Variants in CEP63 observed in about 807,000 individuals in gnomAD.
CEP63 encodes the protein centrosomal protein of 63 kDa.
In CEP63, 84 loss-of-function variants were observed where a neutral mutation model predicts 89.1. The observed-to-expected ratio is 0.94, with a 90% CI of 0.79 to 1.13. CEP63 has a LOEUF of 1.13. Among genes scored for constraint, CEP63 ranks in the 50% most tolerant of loss-of-function variants. The pLI is 0.00. For synonymous variants in CEP63, 267 were observed against 272.5 expected, an observed-to-expected ratio of 0.98 and a Z score of 0.20; for missense variants, 838 against 813.3, an observed-to-expected ratio of 1.03 and a Z score of -0.37.
chr3:134,625,553 G>A, the CEP63 span, among the ~76,000 whole-genome samples: 5 of 152,180 alleles, frequency 3.3e-5, no homozygotes, highest in Admixed American at 1.3e-4. Context: ...AGTGCTGCTC[G>A]TGCTCACAAG....
intron 3 of CEP63, among the ~76,000 whole-genome samples, chr3:134,508,993 A>G (rs1377184788): frequency 6.6e-6 from 1 of 151,614 alleles, no homozygotes; most frequent in Admixed American, 6.6e-5. Flanking sequence ...TTAAGGAACA[A>G]ATGTGTTTAT....
At chr3:134,762,261 T>G in the CEP63 span, among the ~76,000 whole-genome samples, 1 of 152,112 alleles carries the variant, frequency 6.6e-6, no homozygotes. Flanking sequence ...CACCCTGGAA[T>G]GGGCTTCGCT....
the CEP63 span, among the ~76,000 whole-genome samples, chr3:134,648,614 AC>A: frequency 6.6e-6 from 1 of 152,160 alleles, no homozygotes; most frequent in Non-Finnish European, 1.5e-5. Context: ...CTAGGGCCTT[AC>A]AGAAATGGGA....
the CEP63 span, among the ~76,000 whole-genome samples, chr3:134,761,876 G>A: frequency 6.6e-6 from 1 of 152,150 alleles, no homozygotes; most frequent in African/African-American, 2.4e-5. Flanking sequence ...AAAGCAAACA[G>A]AACCTTAAGG....
the CEP63 span, among the ~76,000 whole-genome samples, chr3:134,726,069 G>C: frequency 6.6e-6 from 1 of 152,228 alleles, no homozygotes; most frequent in Non-Finnish European, 1.5e-5. Context: ...GATTCAAAGG[G>C]TAAGTGTATT....
At chr3:134,594,662 C>T in the CEP63 span, among the ~76,000 whole-genome samples, 1 of 152,174 alleles carries the variant, frequency 6.6e-6, no homozygotes, top group Non-Finnish European at 1.5e-5. Flanking sequence ...CCTAGTTGAG[C>T]AAAAGAAGGA....
At chr3:134,573,900 G>A (rs1443160194) in intron 11 of CEP63, among the ~76,000 whole-genome samples, 2 of 152,142 alleles carry the variant, frequency 1.3e-5, no homozygotes, top group African/African-American at 2.4e-5. Context: ...GTTAGGCCCT[G>A]AGGTTTTGGA....
the CEP63 span, among the ~76,000 whole-genome samples, chr3:134,676,390 A>G: frequency 6.6e-6 from 1 of 152,202 alleles, no homozygotes; most frequent in Admixed American, 6.5e-5. Context: ...AAGTTCAAAG[A>G]GATAAAAAGT....
intron 10 of CEP63, among the ~76,000 whole-genome samples, chr3:134,582,888 G>T (rs1287606216): frequency 3.3e-5 from 5 of 152,136 alleles, no homozygotes; most frequent in African/African-American, 1.2e-4. Context: ...GTGTGAGATG[G>T]TATCTCATTG....
At chr3:134,749,736 G>GAAAAAAAAAAAAAAA in the CEP63 span, among the ~76,000 whole-genome samples, 15 of 55,774 alleles carry the variant, frequency 2.7e-4, no homozygotes, top group African/African-American at 5.8e-4. Context: ...AAAAAAAAAG[G>GAAAAAAAAAAAAAAA]AAAATGATGC....
chr3:134,610,391 C>T, the CEP63 span: 1 of 1,608,236 alleles, frequency 6.2e-7, no homozygotes, highest in Non-Finnish European at 8.5e-7. Context: ...AGCCTGGGGG[C>T]AGGACAGGGG....
chr3:134,607,682 G>A, the CEP63 span: 10 of 985,632 alleles, frequency 1.0e-5, no homozygotes, highest in Non-Finnish European at 7.2e-6. Flanking sequence ...GCCCTCCAGG[G>A]CAGCCCCCGT....
the CEP63 span, among the ~76,000 whole-genome samples, chr3:134,729,514 G>T: frequency 3.7e-4 from 56 of 152,302 alleles, no homozygotes; most frequent in African/African-American, 1.2e-3. Context: ...TGCAAAAGAA[G>T]TTTGTAGCTT....
At chr3:134,490,717 T>C (rs1937323294) in intron 1 of CEP63, among the ~76,000 whole-genome samples, 1 of 152,186 alleles carries the variant, frequency 6.6e-6, no homozygotes, top group Non-Finnish European at 1.5e-5. Context: ...TTATTTTCCT[T>C]CCTTACTGAT....
At chr3:134,703,436 C>T in the CEP63 span, among the ~76,000 whole-genome samples, 152,324 of 152,358 alleles carry the variant, frequency 1, 76,145 homozygotes, top group Non-Finnish European at 1. Flanking sequence ...CATGGGATAT[C>T]ACACAGCTGC....
chr3:134,511,481 A>T (rs181645253), intron 3 of CEP63: 1 of 152,690 alleles, frequency 6.5e-6, no homozygotes, highest in Non-Finnish European at 1.5e-5. Flanking sequence ...TTTGAGCAGT[A>T]TATGAAATAA....
At chr3:134,710,091 C>A in the CEP63 span, among the ~76,000 whole-genome samples, 22 of 152,342 alleles carry the variant, frequency 1.4e-4, no homozygotes, top group Non-Finnish European at 2.9e-5. Flanking sequence ...GGGACCCACG[C>A]TTCAGTTCCC....
chr3:134,665,624 CAG>C, the CEP63 span, among the ~76,000 whole-genome samples: 2 of 146,314 alleles, frequency 1.4e-5, no homozygotes, highest in Non-Finnish European at 3.0e-5. Context: ...AGGGTGAAGA[CAG>C]GGGAAGAGAG....
the CEP63 span, among the ~76,000 whole-genome samples, chr3:134,673,925 T>G: frequency 1.3e-5 from 2 of 152,224 alleles, no homozygotes; most frequent in Non-Finnish European, 2.9e-5. Context: ...CAAGGTTTAT[T>G]TGGGGGCCCA....
Sources: allele counts gnomAD v4.1 joint callset (sites outside exome capture counted in the v4.1 genomes callset), GRCh38; gene constraint gnomAD v4.1.1; transcripts MANE v1.5; gene names NCBI Gene and HGNC (gene_info 2026-07-23, HGNC 2026-07-21).